The following NCAM2 variants were observed in gnomAD, a reference collection of about 807,000 sequenced individuals.
The protein encoded by NCAM2 is N-CAM-2.
NCAM2 carries 30 observed loss-of-function variants against 98.1 expected under a neutral mutation model. The ratio of observed to expected loss-of-function variants is 0.31; its 90% confidence interval spans 0.23 to 0.41. The LOEUF is 0.41. Ranked by LOEUF, NCAM2 falls within the 10% of genes least tolerant of loss-of-function variation. The pLI is 1.00. For synonymous variants in NCAM2, 368 were observed against 342.4 expected (o/e 1.07, Z -0.83); for missense variants, 867 against 1,005.8 (o/e 0.86, Z 1.87).
At chr21:21,054,614 A>T (rs1339635732) in intron 1 of NCAM2, among the ~76,000 whole-genome samples, 1 of 152,030 alleles carries the variant, frequency 6.6e-6, no homozygotes, top group Non-Finnish European at 1.5e-5. Context: ...TTTAAAACAC[A>T]TGTAAATTGA....
chr21:21,146,703 C>G (rs1289872004), intron 1 of NCAM2, among the ~76,000 whole-genome samples: 1 of 151,872 alleles, frequency 6.6e-6, no homozygotes, highest in Non-Finnish European at 1.5e-5. Context: ...TTAATACCTT[C>G]GCAAGATTTC....
rs930818284 is a variant in NCAM2, at chr21:21,540,276, T to G, written c.*2319T>G. 7 of 116,362 alleles carry G rather than the reference T, an allele frequency of 6.0e-5. No individual in the cohort carries two copies. The Admixed American group carries it at 6.3e-4, about 11-fold the overall frequency. 7.2% of individuals were successfully genotyped at this position (116,362 alleles called of 1,614,324 possible). On this transcript the variant is annotated 3_prime_UTR_variant, in exon 18 of 18. Transcript: ENST00000400546. ...TTTCATATATATATACACATATATA[T>G]ATATACACATATATATACATATATA... is the stretch of plus-strand genomic sequence containing the variant.
chr21:21,342,452 T>G (rs148367478), intron 8 of NCAM2, among the ~76,000 whole-genome samples: 1 of 152,310 alleles, frequency 6.6e-6, no homozygotes, highest in African/African-American at 2.4e-5. Flanking sequence ...AATTCAGTCT[T>G]GACTGTGGGC....
chr21:21,106,043 C>G (rs968607113), intron 1 of NCAM2, among the ~76,000 whole-genome samples: 1 of 151,608 alleles, frequency 6.6e-6, no homozygotes, highest in Non-Finnish European at 1.5e-5. Flanking sequence ...GGTATGTGTA[C>G]GTGTGTATGT....
At chr21:21,442,659 T>C (rs1163011887) in intron 12 of NCAM2, among the ~76,000 whole-genome samples, 1 of 152,068 alleles carries the variant, frequency 6.6e-6, no homozygotes, top group South Asian at 2.1e-4. Context: ...GAGGAATAAA[T>C]AAATGCAGAG....
intron 1 of NCAM2, among the ~76,000 whole-genome samples, chr21:21,165,835 A>G (rs2067934360): frequency 6.6e-6 from 1 of 152,208 alleles, no homozygotes; most frequent in South Asian, 2.1e-4. Context: ...TATTGTTATA[A>G]GTCATTACAA....
intron 1 of NCAM2, among the ~76,000 whole-genome samples, chr21:21,269,739 A>G (rs1185836060): frequency 1.3e-5 from 2 of 152,098 alleles, no homozygotes; most frequent in African/African-American, 4.8e-5. Context: ...TTATTTTTCT[A>G]ATGTGGAAGA....
chr21:21,096,321 A>G (rs577355771), intron 1 of NCAM2, among the ~76,000 whole-genome samples: 2 of 151,690 alleles, frequency 1.3e-5, no homozygotes, highest in Non-Finnish European at 3.0e-5. Flanking sequence ...CTGAAAGTGC[A>G]TACAGACAGC....
intron 1 of NCAM2, among the ~76,000 whole-genome samples, chr21:21,132,274 C>T (rs2066951397): frequency 6.6e-6 from 1 of 152,272 alleles, no homozygotes; most frequent in East Asian, 1.9e-4. Flanking sequence ...ATAGCCTTCC[C>T]TGACTCCCAC....
chr21:21,025,865 A>G (rs2064534637), intron 1 of NCAM2, among the ~76,000 whole-genome samples: 4 of 152,234 alleles, frequency 2.6e-5, no homozygotes, highest in Admixed American at 2.6e-4. Flanking sequence ...ACCCACAAGT[A>G]TATGAGAAGT....
intron 12 of NCAM2, among the ~76,000 whole-genome samples, chr21:21,438,425 C>A (rs1353587589): frequency 1.3e-5 from 2 of 152,118 alleles, no homozygotes; most frequent in Non-Finnish European, 2.9e-5. Context: ...GGAAGCCAGG[C>A]CTATTATTAT....
At position 21,123,848 on chromosome 21, in the gene NCAM2, C is replaced by CTTTTTTTTTTTTTTTTTTTTTTT. The variant is rs71193401; in HGVS notation, c.55+125247_55+125248insTTTTTTTTTTTTTTTTTTTTTTT. Among the ~76,000 whole-genome samples the CTTTTTTTTTTTTTTTTTTTTTTT allele has an allele frequency of 6.9e-5, 6 of 86,656 alleles. 1 individual carries two copies. Among genetic ancestry groups the CTTTTTTTTTTTTTTTTTTTTTTT allele is most frequent in the Non-Finnish European group, 6.0e-5 (3 of 49,650 alleles). 56.8% of individuals were successfully genotyped at this position (86,656 alleles called of 152,430 possible). ...GCACATTTGAATTCATTCTTGATTG[C>CTTTTTTTTTTTTTTTTTTTTTTT]TTTTTTTTTTTTTTTTTGAGACGGA... On this transcript the variant is annotated intron_variant, in intron 1 of 17. Coordinates refer to ENST00000400546, the MANE Select transcript of NCAM2 (RefSeq NM_004540.5).
chr21:21,090,690 C>A (rs753090443), intron 1 of NCAM2, among the ~76,000 whole-genome samples: 41 of 152,078 alleles, frequency 2.7e-4, no homozygotes, highest in Non-Finnish European at 5.4e-4. Flanking sequence ...GAATAAAAGC[C>A]AGTACCTTAC....
intron 1 of NCAM2, among the ~76,000 whole-genome samples, chr21:21,003,969 T>C (rs1457301990): frequency 1.3e-5 from 2 of 152,180 alleles, no homozygotes; most frequent in Admixed American, 1.3e-4. Flanking sequence ...GCGCTTTTTT[T>C]TGTATCATGA....
intron 5 of NCAM2, among the ~76,000 whole-genome samples, chr21:21,309,131 G>T (rs537659546): frequency 1.8e-4 from 27 of 152,080 alleles, no homozygotes; most frequent in Admixed American, 1.7e-3. Flanking sequence ...TAATGTTATT[G>T]TGTACTATCA....
At chr21:21,535,935 G>A (rs1197601644) in intron 17 of NCAM2, among the ~76,000 whole-genome samples, 1 of 151,860 alleles carries the variant, frequency 6.6e-6, no homozygotes, top group Admixed American at 6.6e-5. Context: ...GAAAGCACTG[G>A]GTCATTAAAA....
intron 1 of NCAM2, among the ~76,000 whole-genome samples, chr21:21,197,660 T>A (rs144554168): frequency 2.6e-5 from 4 of 152,218 alleles, no homozygotes; most frequent in Non-Finnish European, 5.9e-5. Context: ...AATAGGACTT[T>A]GCAAGGTCTA....
chr21:21,201,886 C>T (rs2069237649), intron 1 of NCAM2, among the ~76,000 whole-genome samples: 1 of 152,120 alleles, frequency 6.6e-6, no homozygotes, highest in South Asian at 2.1e-4. Flanking sequence ...TTTCTCTAGA[C>T]CTTCTAAATC....
At chr21:21,085,061 AAC>A (rs1192108199) in intron 1 of NCAM2, among the ~76,000 whole-genome samples, 1 of 152,200 alleles carries the variant, frequency 6.6e-6, no homozygotes, top group African/African-American at 2.4e-5. Flanking sequence ...TTCTTCCATT[AAC>A]ACAGGATTAT....
Sources: allele counts gnomAD v4.1 joint callset (sites outside exome capture counted in the v4.1 genomes callset), GRCh38; gene constraint gnomAD v4.1.1; transcripts MANE v1.5; gene names NCBI Gene and HGNC (gene_info 2026-07-23, HGNC 2026-07-21).